The following TGM6 variants were observed in gnomAD, a reference collection of about 807,000 sequenced individuals.
TGM6 encodes the protein protein-glutamine gamma-glutamyltransferase 6.
TGM6 carries 74 observed loss-of-function variants against 77.5 expected under a neutral mutation model. That is an observed-to-expected ratio of 0.96 (90% CI 0.79 to 1.16). The LOEUF (loss-of-function observed/expected upper bound fraction) is 1.16. Among genes scored for constraint, TGM6 ranks in the 50% most tolerant of loss-of-function variants. TGM6 has a pLI of 0.00. For missense variants in TGM6, 968 were observed against 940.2 expected (o/e 1.03, Z -0.39); for synonymous variants, 383 against 378.9 (o/e 1.01, Z -0.12).
At chr20:2,412,945 A>T (rs563141258) in intron 9 of TGM6, among the ~76,000 whole-genome samples, 1 of 152,202 alleles carries the variant, frequency 6.6e-6, no homozygotes, top group Non-Finnish European at 1.5e-5. Flanking sequence ...TAAAATTGCA[A>T]TACTCTCAAA....
chr20:2,398,630 A>C (rs1452738974), intron 5 of TGM6, among the ~76,000 whole-genome samples: 2 of 152,082 alleles, frequency 1.3e-5, no homozygotes. Context: ...CAGTCTTATA[A>C]GGTCTAGGCC....
At chr20:2,393,405 T>C (rs1468573654) in intron 1 of TGM6, among the ~76,000 whole-genome samples, 1 of 152,248 alleles carries the variant, frequency 6.6e-6, no homozygotes, top group Non-Finnish European at 1.5e-5. Flanking sequence ...TGCTGTCTCA[T>C]GTTCCTAGGA....
At chr20:2,402,882 T>C (rs2084721024) in intron 7 of TGM6, among the ~76,000 whole-genome samples, 1 of 152,236 alleles carries the variant, frequency 6.6e-6, no homozygotes, top group African/African-American at 2.4e-5. Context: ...GGCCTTTTCT[T>C]GTCTCACTTA....
chr20:2,391,090 C>A (rs949428473), intron 1 of TGM6, among the ~76,000 whole-genome samples: 1 of 127,910 alleles, frequency 7.8e-6, no homozygotes, highest in African/African-American at 3.0e-5. Flanking sequence ...TAGATTTTAA[C>A]AGGATCCTTC....
intron 9 of TGM6, among the ~76,000 whole-genome samples, chr20:2,413,532 A>T (rs994002188): frequency 6.6e-6 from 1 of 152,230 alleles, no homozygotes. Flanking sequence ...TAAACCCTTA[A>T]AATTATGATC....
intron 9 of TGM6, among the ~76,000 whole-genome samples, chr20:2,410,188 CT>C (rs1187696442): frequency 6.6e-6 from 1 of 152,084 alleles, no homozygotes; most frequent in African/African-American, 2.4e-5. Context: ...CATCTCTGAC[CT>C]CCAGGGAGGG....
intron 1 of TGM6, 109 bp downstream of exon 1, chr20:2,381,084 G>A: frequency 2.0e-6 from 3 of 1,464,332 alleles, no homozygotes; most frequent in Non-Finnish European, 2.8e-6. Context: ...GGATTTTACA[G>A]CTGGATAGTC....
At chr20:2,418,917 A>T (rs1350901403) in intron 10 of TGM6, among the ~76,000 whole-genome samples, 2 of 152,150 alleles carry the variant, frequency 1.3e-5, no homozygotes, top group Non-Finnish European at 1.5e-5. Flanking sequence ...TCTACTAAAA[A>T]TACAAGAAAA....
rs1197868499 is a variant in TGM6 at position 2,392,112 on chromosome 20, G to T, written c.8-2340G>T. On this transcript the variant is annotated intron_variant, in intron 1 of 12. Transcript: ENST00000202625. ...GTTCATCTCAAAGCTTGACCCAAAA[G>T]GTTTGAGGTCTATCTGCTTAATGCC... Among the ~76,000 whole-genome samples the T allele has an allele frequency of 4.6e-5, 7 of 152,186 alleles. 1 individual carries two copies. Among genetic ancestry groups the T allele is most frequent in the Admixed American group, 4.6e-4 (7 of 15,286 alleles).
At position 2,431,013 on chromosome 20, in the gene TGM6, A is replaced by G. The variant is rs146629414; in HGVS notation, c.1953A>G (p.Glu651=). 77 of 1,613,938 alleles carry G rather than the reference A, an allele frequency of 4.8e-5. No homozygotes were observed. The African/African-American group carries it at 9.7e-4, about 20-fold the overall frequency. The change falls in exon 12 of 13, where the codon GAA becomes GAG. Residue 651 remains glutamate, a synonymous_variant. Transcript: ENST00000202625. ...TGGAGGGCAGCGGCCTTCTCCAGGAACAGCTCAGCATCGAGTAAGTGCCAG... is the reference window on the plus strand; with the variant it reads ...TGGAGGGCAGCGGCCTTCTCCAGGAGCAGCTCAGCATCGAGTAAGTGCCAG... ...LMVEGSGLLQ[E]QLSIDVPTLE... is the part of the protein sequence containing the mutation.
At position 2,381,237 on chromosome 20, in the gene TGM6, G is replaced by A. The variant is rs535350158; in HGVS notation, c.7+262G>A. Among the ~76,000 whole-genome samples the A allele has an allele frequency of 2.0e-5, 3 of 152,258 alleles. No homozygotes were observed. The East Asian group carries it at 5.8e-4, about 29-fold the overall frequency. On this transcript the variant is annotated intron_variant, in intron 1 of 12. Transcript: ENST00000202625. ...GGGCCAGGTCTCACCCCTGTGCCTC[G>A]GAGGACTGAAGGAGGCAGGCACAGG...
At chr20:2,392,683 G>A (rs757710630) in intron 1 of TGM6, among the ~76,000 whole-genome samples, 3 of 152,168 alleles carry the variant, frequency 2.0e-5, no homozygotes, top group Non-Finnish European at 4.4e-5. Context: ...AGGCCAAGGC[G>A]GACAGATTGC....
intron 3 of TGM6, among the ~76,000 whole-genome samples, 162 bp downstream of exon 3, chr20:2,395,598 A>C (rs2084659775): frequency 6.6e-6 from 1 of 152,214 alleles, no homozygotes; most frequent in African/African-American, 2.4e-5. Flanking sequence ...TGGTCAGAGA[A>C]ACCTGGTAGC....
At chr20:2,386,320 C>T (rs55916333) in intron 1 of TGM6, among the ~76,000 whole-genome samples, 21,085 of 152,080 alleles carry the variant, frequency 0.14, 1,799 homozygotes, top group South Asian at 0.32. Context: ...GCAGCAGCTC[C>T]AGGGACAGAT....
chr20:2,413,306 G>A (rs994056255), intron 9 of TGM6, among the ~76,000 whole-genome samples: 1 of 152,160 alleles, frequency 6.6e-6, no homozygotes, highest in African/African-American at 2.4e-5. Flanking sequence ...CTACTCAGGA[G>A]GCTGAGGTGG....
chr20:2,393,194 C>A (rs377244040), intron 1 of TGM6, among the ~76,000 whole-genome samples: 2 of 152,232 alleles, frequency 1.3e-5, no homozygotes, highest in Admixed American at 6.5e-5. Flanking sequence ...GCACAGAGTG[C>A]GGAAAAATTG....
rs141990602 is a variant in TGM6 at position 2,396,516 on chromosome 20, G to T, written c.435G>T (p.Val145=). 5.6e-6 allele frequency: 9 copies of T among 1,614,088 alleles called. No individual in the cohort carries two copies. In the East Asian group the frequency reaches 1.1e-4, roughly 20 times the overall value. Residue 145 remains valine (V), a synonymous_variant, in exon 4 of 13, where the codon GTG becomes GTT. Transcript: ENST00000202625. ...ATGACTGCTTTTCAGAGGACGATGTGTTTCTGGCCTCAGAGGAGGAGAGAC... is the reference window on the plus strand; with the variant it reads ...ATGACTGCTTTTCAGAGGACGATGTTTTTCTGGCCTCAGAGGAGGAGAGAC... ...LFNPWCAEDD[V]FLASEEERQE...
intron 1 of TGM6, among the ~76,000 whole-genome samples, chr20:2,386,140 T>A (rs2084593876): frequency 6.6e-6 from 1 of 152,264 alleles, no homozygotes; most frequent in African/African-American, 2.4e-5. Flanking sequence ...TGCCCGTCAG[T>A]CTCACTGTCC....
chr20:2,395,424 C>T lies in TGM6; in HGVS notation c.412C>T (p.Pro138Ser). ...GGGCGAGTTTGTTCTCCTTTTCAAC[C>T]CATGGTGTGCAGGTAGGAGTGGCCA... ...RLGEFVLLFN[P>S]WCAEDDVFLA... Residue 138 changes from proline to serine, a missense_variant, in exon 3 of 13, where the codon CCA (proline) becomes TCA (serine). Transcript: ENST00000202625. The T allele has an allele frequency of 6.2e-7, 1 of 1,614,236 alleles. No individual in the cohort carries two copies.
Sources: gnomAD v4.1 joint callset for allele counts (sites outside exome capture counted in the v4.1 genomes callset) on GRCh38, gnomAD v4.1.1 for gene constraint, MANE v1.5 for transcripts, NCBI Gene and HGNC (gene_info 2026-07-23, HGNC 2026-07-21) for gene names.